TRDN: variants seen among roughly 807,000 people sequenced by gnomAD.
TRDN encodes the protein triadin, also known as triadin in skeletal muscle.
Under a neutral mutation model 149.7 loss-of-function variants are expected in TRDN, and 161 were observed. The observed-to-expected ratio is 1.08, with a 90% CI of 0.95 to 1.23. TRDN has a LOEUF of 1.23. Ranked by LOEUF, TRDN falls within the 50% of genes most tolerant of loss-of-function variation. The pLI, the probability that TRDN is intolerant of heterozygous loss-of-function variation, is 0.00. For missense variants in TRDN, 896 were observed against 823.5 expected (o/e 1.09, Z -1.08); for synonymous variants, 294 against 250.5 (o/e 1.17, Z -1.64).
chr6:123,557,888 A>C (rs1761158182), intron 2 of TRDN, among the ~76,000 whole-genome samples: 2 of 145,156 alleles, frequency 1.4e-5, no homozygotes, highest in South Asian at 4.4e-4. Context: ...TCCACCCTCC[A>C]TTCCTCCCTC....
At chr6:123,617,922 G>A (rs1785183954) in intron 1 of TRDN, among the ~76,000 whole-genome samples, 1 of 152,040 alleles carries the variant, frequency 6.6e-6, no homozygotes, top group Non-Finnish European at 1.5e-5. Context: ...ATTTTTAGTA[G>A]AGATGGGTTT....
intron 38 of TRDN, among the ~76,000 whole-genome samples, chr6:123,241,456 A>C (rs932182320): frequency 2.0e-5 from 3 of 151,678 alleles, no homozygotes; most frequent in African/African-American, 7.2e-5. Flanking sequence ...ACTAATTTTC[A>C]AAGTGCTTAA....
At chr6:123,616,056 C>T (rs1785064815) in intron 1 of TRDN, among the ~76,000 whole-genome samples, 1 of 151,886 alleles carries the variant, frequency 6.6e-6, no homozygotes, top group Non-Finnish European at 1.5e-5. Flanking sequence ...GCAAAAAAGA[C>T]CTATAAAAAT....
intron 22 of TRDN, 93 bp from the exon 23 acceptor site, chr6:123,332,022 G>T: frequency 1.0e-6 from 1 of 962,588 alleles, no homozygotes; most frequent in Non-Finnish European, 1.5e-6. Context: ...GTATCAGTAA[G>T]CTGAAAGTAA....
intron 21 of TRDN, among the ~76,000 whole-genome samples, chr6:123,338,749 TAA>T (rs1023921359): frequency 4.6e-5 from 7 of 152,168 alleles, no homozygotes; most frequent in African/African-American, 1.7e-4. Flanking sequence ...TTTACACCAC[TAA>T]GTTTTGAAAT....
At chr6:123,470,642 A>T (rs528637322) in intron 9 of TRDN, 1 of 152,356 alleles carries the variant, frequency 6.6e-6, no homozygotes, top group Non-Finnish European at 1.5e-5. Context: ...AAATCACATG[A>T]ACACACGTAG....
chr6:123,371,856 C>A (rs946471138), intron 19 of TRDN, among the ~76,000 whole-genome samples: 1 of 152,096 alleles, frequency 6.6e-6, no homozygotes, highest in Non-Finnish European at 1.5e-5. Flanking sequence ...CTCATAAAAT[C>A]ATCACTCTAG....
At chr6:123,290,500 G>A (rs1489331675) in intron 24 of TRDN, among the ~76,000 whole-genome samples, 2 of 152,018 alleles carry the variant, frequency 1.3e-5, no homozygotes, top group Non-Finnish European at 2.9e-5. Flanking sequence ...GATGTTCATT[G>A]GCTTTAAAAT....
At chr6:123,418,830 C>A (rs1179718949) in intron 12 of TRDN, among the ~76,000 whole-genome samples, 1 of 152,176 alleles carries the variant, frequency 6.6e-6, no homozygotes, top group African/African-American at 2.4e-5. Flanking sequence ...TTCTGTTTCA[C>A]TGCTCATGGC....
Position 123,261,943 on chromosome 6 carries a change from C to T in TRDN, c.1805-1305G>A, listed in dbSNP as rs9375236. Among the ~76,000 whole-genome samples, 46 of 151,960 alleles carry T rather than the reference C, an allele frequency of 3.0e-4. No individual in the cohort carries two copies. The East Asian group carries it at 6.2e-3, about 20-fold the overall frequency. ...AAGTAGCCTGTAGCTGCATTATTAA[C>T]GAATCTGTCATGTGCTGTTAAGAAA... On this transcript the variant is annotated intron_variant, in intron 33 of 40. Transcript: ENST00000334268.
rs66509682 is a variant in TRDN, at chr6:123,548,624, TAAAA to T, written c.233-16_233-13del. 260 of 1,196,256 alleles carry T rather than the reference TAAAA, an allele frequency of 2.2e-4. No individual in the cohort carries two copies. The highest frequency in any genetic ancestry group is 6.4e-4 in the Middle Eastern group (3 of 4,716). 74.1% of individuals were successfully genotyped at this position (1,196,256 alleles called of 1,614,324 possible). On this transcript the variant is annotated splice_polypyrimidine_tract_variant and intron_variant, in intron 2 of 40. Transcript: ENST00000334268. The stretch of plus-strand genomic sequence containing the variant: ...GGCAATAGAGCTTGCTAAAAGTAAT[TAAAA>T]AAAAAAAAAAAGAAAAAGTTTGTGA...
intron 9 of TRDN, among the ~76,000 whole-genome samples, chr6:123,484,058 A>C (rs1777881413): frequency 6.6e-6 from 1 of 152,190 alleles, no homozygotes; most frequent in Non-Finnish European, 1.5e-5. Flanking sequence ...CAGTATAATC[A>C]TCAATGCTAC....
intron 21 of TRDN, chr6:123,349,430 C>T (rs1780370939): frequency 2.7e-6 from 2 of 738,996 alleles, no homozygotes; most frequent in Non-Finnish European, 3.3e-6. Context: ...TATTAAACAA[C>T]CAAAGCACGA....
At chr6:123,314,823 C>A (rs1161063146) in intron 24 of TRDN, among the ~76,000 whole-genome samples, 1 of 151,864 alleles carries the variant, frequency 6.6e-6, no homozygotes, top group East Asian at 1.9e-4. Context: ...AGAAGAATAA[C>A]ACACACTGGG....
chr6:123,254,957 G>A (rs2114576250), intron 37 of TRDN, 124 bp downstream of exon 37: 1 of 629,272 alleles, frequency 1.6e-6, no homozygotes, highest in East Asian at 3.1e-5. Flanking sequence ...CACTTCCTCT[G>A]CTATTAAGAG....
At chr6:123,220,722 A>G (rs1582733513) in intron 40 of TRDN, among the ~76,000 whole-genome samples, 2 of 151,786 alleles carry the variant, frequency 1.3e-5, no homozygotes, top group Non-Finnish European at 2.9e-5. Flanking sequence ...TTTCCTGCAC[A>G]AAAACATCCA....
In TRDN at chr6:123,244,814, T is replaced by A. The variant is rs964659736; in HGVS notation, c.1975+7598A>T. On this transcript the variant is annotated intron_variant, in intron 38 of 40. Transcript: ENST00000334268. ...GCCATCAGATTCACCAAGGTTGAAA[T>A]GAAAGAAAAAATGTTAAGGGCAGCT... 1.4e-4 allele frequency among the ~76,000 whole-genome samples: 21 copies of A among 151,862 alleles called. 1 individual carries two copies. The highest frequency in any genetic ancestry group is 1.2e-3 in the Admixed American group (18 of 15,230).
intron 2 of TRDN, among the ~76,000 whole-genome samples, chr6:123,560,337 C>A (rs1251192760): frequency 6.6e-6 from 1 of 152,154 alleles, no homozygotes; most frequent in Non-Finnish European, 1.5e-5. Flanking sequence ...AATATTTATA[C>A]TGACTCTAAA....
intron 1 of TRDN, among the ~76,000 whole-genome samples, chr6:123,572,314 T>G (rs781327428): frequency 1.5e-4 from 23 of 152,228 alleles, no homozygotes; most frequent in African/African-American, 4.6e-4. Context: ...TAATAACACT[T>G]TAACCTTTAT....
Sources: allele counts gnomAD v4.1 joint callset (sites outside exome capture counted in the v4.1 genomes callset), GRCh38; gene constraint gnomAD v4.1.1; transcripts MANE v1.5; gene names NCBI Gene and HGNC (gene_info 2026-07-23, HGNC 2026-07-21).